LOXHD1: variants seen among roughly 807,000 people sequenced by gnomAD.
The protein encoded by LOXHD1 is lipoxygenase homology domain-containing protein 1.
LOXHD1 carries 205 observed loss-of-function variants against 248.2 expected under a neutral mutation model. The observed-to-expected ratio is 0.83, with a 90% CI of 0.74 to 0.93. LOXHD1 has a LOEUF of 0.93. Ranked by LOEUF, LOXHD1 falls within the 40% of genes least tolerant of loss-of-function variation. LOXHD1 has a pLI of 0.00. For missense variants in LOXHD1, 2,930 were observed against 2,971.6 expected, an observed-to-expected ratio of 0.99 and a Z score of 0.33; for synonymous variants, 1,113 against 1,162.8, an observed-to-expected ratio of 0.96 and a Z score of 0.87.
intron 16 of LOXHD1, among the ~76,000 whole-genome samples, chr18:46,566,840 G>T (rs1002334199): frequency 1.1e-4 from 17 of 152,182 alleles, no homozygotes; most frequent in African/African-American, 3.9e-4. Context: ...TTATTGATTT[G>T]GTTTGGTTTT....
In LOXHD1 at chr18:46,477,954, T is replaced by C. The variant is rs1172699685; in HGVS notation, c.6342-2A>G. 6 of 1,546,066 alleles carry C rather than the reference T, an allele frequency of 3.9e-6. 1 individual carries two copies. The highest frequency in any genetic ancestry group is 2.4e-5 in the South Asian group (2 of 83,892). On this transcript the variant is annotated splice_acceptor_variant, in intron 40 of 40. Coordinates refer to ENST00000642948, the MANE Select transcript of LOXHD1 (RefSeq NM_001384474.1). LOFTEE classifies it high-confidence loss of function. ...AGGCAGTCACAGTTAAAGAAGTACCTGGCAGAGAGGTGGGAGAGTGGAGGG... is the reference window on the plus strand; with the variant it reads ...AGGCAGTCACAGTTAAAGAAGTACCCGGCAGAGAGGTGGGAGAGTGGAGGG...
intron 18 of LOXHD1, among the ~76,000 whole-genome samples, chr18:46,562,427 G>A (rs768669915): frequency 5.3e-5 from 8 of 152,150 alleles, no homozygotes; most frequent in Admixed American, 1.3e-4. Context: ...CCTAAGGGGC[G>A]CCACCCTTGC....
intron 21 of LOXHD1, chr18:46,556,873 C>T: frequency 3.8e-6 from 1 of 261,146 alleles, no homozygotes; most frequent in South Asian, 6.1e-5. Flanking sequence ...GACGTCACAG[C>T]CACTCTGACC....
At chr18:46,510,266 C>T (rs1033465800) in intron 34 of LOXHD1, among the ~76,000 whole-genome samples, 4 of 152,198 alleles carry the variant, frequency 2.6e-5, no homozygotes, top group Non-Finnish European at 4.4e-5. Context: ...AGGCCCGTTG[C>T]GAATGGTGGG....
intron 4 of LOXHD1, among the ~76,000 whole-genome samples, chr18:46,620,023 G>C (rs558126424): frequency 3.9e-5 from 6 of 152,296 alleles, no homozygotes; most frequent in Admixed American, 3.9e-4. Flanking sequence ...CTTGAAACTG[G>C]AGCCACACTC....
chr18:46,490,672 T>C (rs1367060199), intron 37 of LOXHD1, among the ~76,000 whole-genome samples: 1 of 152,190 alleles, frequency 6.6e-6, no homozygotes, highest in Non-Finnish European at 1.5e-5. Context: ...ACAGGGTTTC[T>C]CCATGTTGGT....
At chr18:46,580,061 G>T (rs1375847924) in intron 12 of LOXHD1, among the ~76,000 whole-genome samples, 1 of 152,224 alleles carries the variant, frequency 6.6e-6, no homozygotes, top group Non-Finnish European at 1.5e-5. Flanking sequence ...TCCCAATCCT[G>T]TCAATTATCA....
chr18:46,491,019 A>G (rs2033434740), intron 37 of LOXHD1, among the ~76,000 whole-genome samples: 1 of 152,214 alleles, frequency 6.6e-6, no homozygotes. Context: ...AGCAGTGCTC[A>G]AACACTTCTG....
intron 8 of LOXHD1, among the ~76,000 whole-genome samples, chr18:46,595,995 A>G (rs1424020683): frequency 2.6e-5 from 4 of 152,148 alleles, no homozygotes; most frequent in Admixed American, 1.3e-4. Flanking sequence ...AATTTATGAT[A>G]AAAGTTCTGG....
intron 1 of LOXHD1, among the ~76,000 whole-genome samples, chr18:46,651,523 T>C (rs573295791): frequency 2.0e-5 from 3 of 151,466 alleles, no homozygotes; most frequent in Non-Finnish European, 4.4e-5. Context: ...AGAGAAGACA[T>C]AGACACCGGA....
chr18:46,518,453 G>A (rs970822355), intron 33 of LOXHD1, among the ~76,000 whole-genome samples, 197 bp from the exon 34 acceptor site: 1 of 152,218 alleles, frequency 6.6e-6, no homozygotes, highest in African/African-American at 2.4e-5. Flanking sequence ...ACTGTGCCCA[G>A]TCCCACCCTA....
chr18:46,522,033 C>A (rs2035599667), intron 32 of LOXHD1, 68 bp downstream of exon 32: 3 of 1,247,826 alleles, frequency 2.4e-6, no homozygotes, highest in Non-Finnish European at 2.2e-6. Flanking sequence ...CTCCCGCCCA[C>A]CCAGGAACTG....
intron 13 of LOXHD1, among the ~76,000 whole-genome samples, chr18:46,578,166 T>C (rs1185074906): frequency 6.6e-6 from 1 of 152,216 alleles, no homozygotes; most frequent in Admixed American, 6.5e-5. Context: ...GCTAATTCCT[T>C]GGCAAATCTC....
chr18:46,543,027 A>AT (rs906657246), intron 23 of LOXHD1, among the ~76,000 whole-genome samples, 172 bp from the exon 24 acceptor site: 2 of 152,146 alleles, frequency 1.3e-5, no homozygotes, highest in African/African-American at 4.8e-5. Flanking sequence ...ATTTTAAAAA[A>AT]TTTTTTATTT....
intron 35 of LOXHD1, 71 bp from the exon 36 acceptor site, chr18:46,507,783 C>A: frequency 2.1e-6 from 3 of 1,454,592 alleles, no homozygotes; most frequent in Non-Finnish European, 2.8e-6. Context: ...CTGGCTCATG[C>A]AGCCCCTCCC....
At chr18:46,537,073 C>T (rs1453375180) in intron 26 of LOXHD1, among the ~76,000 whole-genome samples, 1 of 152,196 alleles carries the variant, frequency 6.6e-6, no homozygotes, top group Non-Finnish European at 1.5e-5. Context: ...CATGCTGTTC[C>T]CTCTGCTAGG....
chr18:46,586,445 T>C (rs1393750798), intron 12 of LOXHD1, among the ~76,000 whole-genome samples: 1 of 152,120 alleles, frequency 6.6e-6, no homozygotes. Flanking sequence ...TTTTTGTTTG[T>C]TTTGTTTGTT....
chr18:46,549,198 A>T (rs76565559), intron 21 of LOXHD1, among the ~76,000 whole-genome samples: 6,634 of 152,278 alleles, frequency 0.044, 219 homozygotes, highest in South Asian at 0.13. Flanking sequence ...AGAGGAATGC[A>T]GGTGTTCTAA....
At chr18:46,494,842 T>G (rs1346735477) in intron 37 of LOXHD1, among the ~76,000 whole-genome samples, 1 of 116,212 alleles carries the variant, frequency 8.6e-6, no homozygotes, top group Non-Finnish European at 1.9e-5. Context: ...CTCCTTTTTC[T>G]CTCTCTCTTT....
Sources: allele counts gnomAD v4.1 joint callset (sites outside exome capture counted in the v4.1 genomes callset), GRCh38; gene constraint gnomAD v4.1.1; transcripts MANE v1.5; gene names NCBI Gene and HGNC (gene_info 2026-07-23, HGNC 2026-07-21).